Variants in FBXL2 observed in about 807,000 individuals in gnomAD.
FBXL2 encodes the protein F-box/LRR-repeat protein 2.
Under a neutral mutation model 69.2 loss-of-function variants are expected in FBXL2, and 38 were observed. That is an observed-to-expected ratio of 0.55 (90% CI 0.42 to 0.72). The LOEUF is 0.72. FBXL2 is among the 30% of genes least tolerant of loss of function. The probability of loss-of-function intolerance (pLI) is 0.00; values close to 1 mark genes in which losing one functional copy is unlikely to be tolerated. For synonymous variants in FBXL2, 192 were observed against 201.3 expected, an observed-to-expected ratio of 0.95 and a Z score of 0.39; for missense variants, 354 against 520.3, an observed-to-expected ratio of 0.68 and a Z score of 3.11.
chr3:33,307,831 T>A (rs1375678542), intron 2 of FBXL2, among the ~76,000 whole-genome samples: 1 of 152,148 alleles, frequency 6.6e-6, no homozygotes, highest in Admixed American at 6.5e-5. Flanking sequence ...AGAAATTATT[T>A]AAAAATAAAA....
At chr3:33,393,109 G>T in intron 12 of FBXL2, 1 of 557,594 alleles carries the variant, frequency 1.8e-6, no homozygotes, top group Non-Finnish European at 2.9e-6. Flanking sequence ...GGCTAAGCCA[G>T]TTTTCCTTGG....
chr3:33,412,656 C>T, the FBXL2 span: 3 of 1,053,932 alleles, frequency 2.8e-6, no homozygotes, highest in South Asian at 1.3e-5. Context: ...GATGCCAACA[C>T]AACACATTAC....
intron 13 of FBXL2, chr3:33,382,772 C>CA (rs2043148504): frequency 6.6e-6 from 1 of 152,148 alleles, no homozygotes; most frequent in African/African-American, 2.4e-5. Flanking sequence ...TTTTGAAAAA[C>CA]AATTGTAACA....
intron 2 of FBXL2, among the ~76,000 whole-genome samples, chr3:33,338,673 G>A (rs2039773714): frequency 6.6e-6 from 1 of 152,084 alleles, no homozygotes; most frequent in Non-Finnish European, 1.5e-5. Flanking sequence ...ACAAGCAATG[G>A]GGAAAGGATT....
chr3:33,382,077 T>A (rs1425717059), intron 13 of FBXL2, among the ~76,000 whole-genome samples: 1 of 152,154 alleles, frequency 6.6e-6, no homozygotes, highest in Non-Finnish European at 1.5e-5. Flanking sequence ...ATGTCTTAGA[T>A]TTTTTTATTC....
At chr3:33,422,539 T>G in the FBXL2 span, among the ~76,000 whole-genome samples, 1 of 151,986 alleles carries the variant, frequency 6.6e-6, no homozygotes, top group Non-Finnish European at 1.5e-5. Context: ...CAATGAATAG[T>G]GAGATCCGCC....
downstream of FBXL2, chr3:33,392,737 C>A: frequency 1.1e-6 from 1 of 877,198 alleles, no homozygotes; most frequent in Non-Finnish European, 1.7e-6. Flanking sequence ...AACGATAATT[C>A]ATGAAGGCAG....
At chr3:33,412,938 T>C in the FBXL2 span, 5 of 680,694 alleles carry the variant, frequency 7.3e-6, no homozygotes, top group East Asian at 1.3e-4. Context: ...TACAACTAGA[T>C]TCTGTTTTAA....
chr3:33,334,838 T>G (rs1436290897), intron 2 of FBXL2, among the ~76,000 whole-genome samples: 2 of 152,116 alleles, frequency 1.3e-5, no homozygotes, highest in Non-Finnish European at 2.9e-5. Context: ...CCCAGCACTT[T>G]GGGAAGCTGA....
intron 2 of FBXL2, 148 bp downstream of exon 2, chr3:33,297,873 C>A: frequency 1.5e-6 from 1 of 676,366 alleles, no homozygotes; most frequent in South Asian, 1.6e-5. Flanking sequence ...TTATAGAATG[C>A]TGTTCAGCTT....
At chr3:33,350,049 C>A (rs1000837874) in intron 2 of FBXL2, among the ~76,000 whole-genome samples, 1 of 151,954 alleles carries the variant, frequency 6.6e-6, no homozygotes, top group African/African-American at 2.4e-5. Context: ...TCTGGGTGCC[C>A]AGTGTTACTA....
exon 13 of FBXL2, chr3:33,403,516 CTGTCT>C (rs2044313592): frequency 6.8e-6 from 1 of 147,306 alleles, no homozygotes; most frequent in African/African-American, 2.5e-5. Flanking sequence ...ATCTATCTGT[CTGTCT>C]GTCTGGTCTG....
At chr3:33,353,136 G>A (rs1427317416) in intron 2 of FBXL2, among the ~76,000 whole-genome samples, 2 of 152,136 alleles carry the variant, frequency 1.3e-5, no homozygotes, top group African/African-American at 4.8e-5. Context: ...ATACAAAATG[G>A]TGGTAAGATG....
At chr3:33,396,930 C>T (rs955031170) in intron 12 of FBXL2, 8 of 929,436 alleles carry the variant, frequency 8.6e-6, no homozygotes, top group African/African-American at 1.6e-5. Flanking sequence ...TGCCAATGCT[C>T]GATGGCGCAC....
chr3:33,293,098 C>T (rs909952081), intron 1 of FBXL2, among the ~76,000 whole-genome samples: 1 of 152,324 alleles, frequency 6.6e-6, no homozygotes, highest in South Asian at 2.1e-4. Flanking sequence ...TCAAGCAGTC[C>T]TCCCACCTTG....
intron 2 of FBXL2, among the ~76,000 whole-genome samples, chr3:33,314,439 G>T (rs2037492527): frequency 6.6e-6 from 1 of 152,086 alleles, no homozygotes; most frequent in African/African-American, 2.4e-5. Flanking sequence ...TTCTATGTCT[G>T]ACTTATTTCA....
intron 5 of FBXL2, among the ~76,000 whole-genome samples, chr3:33,365,456 T>A (rs1308659418): frequency 1.3e-5 from 2 of 152,076 alleles, no homozygotes; most frequent in East Asian, 3.9e-4. Context: ...ATTTTTGTAT[T>A]TTTAGTAGAG....
intron 14 of FBXL2, among the ~76,000 whole-genome samples, chr3:33,384,829 A>G (rs2043308505): frequency 6.6e-6 from 1 of 152,150 alleles, no homozygotes; most frequent in Non-Finnish European, 1.5e-5. Flanking sequence ...TCACAAGGTC[A>G]AGGGTTCGAG....
At chr3:33,319,263 G>C (rs2037987960) in intron 2 of FBXL2, among the ~76,000 whole-genome samples, 1 of 151,558 alleles carries the variant, frequency 6.6e-6, no homozygotes, top group African/African-American at 2.4e-5. Flanking sequence ...TTTTTTTTTA[G>C]TGAGGACTTA....
Sources: allele counts gnomAD v4.1 joint callset (sites outside exome capture counted in the v4.1 genomes callset), GRCh38; gene constraint gnomAD v4.1.1; transcripts MANE v1.5; gene names NCBI Gene and HGNC (gene_info 2026-07-23, HGNC 2026-07-21).